The following C1QTNF3 variants were observed in gnomAD, a reference collection of about 807,000 sequenced individuals.
C1QTNF3 encodes complement C1q tumor necrosis factor-related protein 3.
Under a neutral mutation model 32.6 loss-of-function variants are expected in C1QTNF3, and 26 were observed. That is an observed-to-expected ratio of 0.80 (90% CI 0.58 to 1.11). The LOEUF (loss-of-function observed/expected upper bound fraction) is 1.11, where lower values mean the gene tolerates loss of function less well. Among genes scored for constraint, C1QTNF3 ranks in the 50% least tolerant of loss-of-function variants. C1QTNF3 has a pLI of 0.00. For synonymous variants in C1QTNF3, 155 were observed against 146.0 expected (o/e 1.06, Z -0.44); for missense variants, 362 against 398.2 (o/e 0.91, Z 0.77).
the C1QTNF3 span, among the ~76,000 whole-genome samples, chr5:34,175,136 T>C: frequency 2.0e-5 from 3 of 150,952 alleles, no homozygotes; most frequent in Admixed American, 2.0e-4. Context: ...CTCCAACTCC[T>C]GTGCTCAGGC....
Position 34,018,820 on chromosome 5 carries a change from A to G in C1QTNF3, c.*1763T>C, listed in dbSNP as rs1365627195. ...AGAAACTCAAGTGCTTCGTTTGCAGAGTTGTTTTAAGATTTAGAATTTGCG... is the reference window on the plus strand; with the variant it reads ...AGAAACTCAAGTGCTTCGTTTGCAGGGTTGTTTTAAGATTTAGAATTTGCG... On this transcript the variant is annotated 3_prime_UTR_variant, in exon 6 of 6. Coordinates refer to ENST00000382065, the MANE Select transcript of C1QTNF3 (RefSeq NM_181435.6). 6.6e-6 allele frequency among the ~76,000 whole-genome samples: 1 copy of G among 152,224 alleles called. No homozygotes were observed. The highest frequency in any genetic ancestry group is 6.5e-5 in the Admixed American group (1 of 15,282).
the C1QTNF3 span, among the ~76,000 whole-genome samples, chr5:34,211,391 T>C: frequency 6.6e-6 from 1 of 152,016 alleles, no homozygotes; most frequent in Non-Finnish European, 1.5e-5. Context: ...AATGTGTGTA[T>C]ACCCCCTTTT....
chr5:34,183,322 A>ATTTTTTTTTTTT, the C1QTNF3 span, among the ~76,000 whole-genome samples: 48 of 129,056 alleles, frequency 3.7e-4, no homozygotes, highest in African/African-American at 4.7e-4. Flanking sequence ...TAATTTTTTA[A>ATTTTTTTTTTTT]TTTTCTTTTT....
the C1QTNF3 span, among the ~76,000 whole-genome samples, chr5:34,078,495 T>C: frequency 1.3e-5 from 2 of 151,800 alleles, no homozygotes; most frequent in African/African-American, 4.9e-5. This position sits in a 1 kb window ranked among gnomAD's most constrained non-coding sequence, Gnocchi z 4.0. Context: ...CTGCCACTTA[T>C]AAAACCATCA....
chr5:34,087,823 A>C, the C1QTNF3 span, among the ~76,000 whole-genome samples: 1 of 152,202 alleles, frequency 6.6e-6, no homozygotes, highest in East Asian at 1.9e-4. Flanking sequence ...AGCTCAAGCG[A>C]TCTCTCTGCC....
At chr5:34,102,360 AC>A in the C1QTNF3 span, among the ~76,000 whole-genome samples, 2 of 151,962 alleles carry the variant, frequency 1.3e-5, no homozygotes, top group African/African-American at 4.8e-5. Context: ...TTTTATTTTC[AC>A]TTAGCAAATT....
the C1QTNF3 span, among the ~76,000 whole-genome samples, chr5:34,189,740 C>T: frequency 2.0e-5 from 3 of 152,266 alleles, no homozygotes; most frequent in East Asian, 3.9e-4. Context: ...CGAGGACCTG[C>T]GAGTAGGGCT....
the C1QTNF3 span, among the ~76,000 whole-genome samples, chr5:34,054,927 A>G: frequency 1.3e-5 from 2 of 152,178 alleles, no homozygotes; most frequent in Admixed American, 1.3e-4. Context: ...CATATCAATT[A>G]AGGATTTGAA....
At chr5:34,129,508 G>A in the C1QTNF3 span, among the ~76,000 whole-genome samples, 1 of 152,050 alleles carries the variant, frequency 6.6e-6, no homozygotes, top group Non-Finnish European at 1.5e-5. Context: ...TATTAGAGGC[G>A]ATGGGTATGA....
the C1QTNF3 span, among the ~76,000 whole-genome samples, chr5:34,134,571 T>G: frequency 9.2e-5 from 14 of 152,190 alleles, no homozygotes; most frequent in African/African-American, 3.4e-4. Flanking sequence ...TAACAAAACT[T>G]TCCTGGAGGC....
chr5:34,195,916 G>T, the C1QTNF3 span, among the ~76,000 whole-genome samples: 2 of 152,304 alleles, frequency 1.3e-5, no homozygotes, highest in Non-Finnish European at 2.9e-5. Flanking sequence ...GCCTTTAGGA[G>T]AGAATTAGGT....
At chr5:34,083,375 A>T in the C1QTNF3 span, among the ~76,000 whole-genome samples, 7 of 151,700 alleles carry the variant, frequency 4.6e-5, no homozygotes, top group African/African-American at 1.7e-4. Flanking sequence ...GTAAATCTTC[A>T]AGTACAGTAA....
At chr5:34,038,261 C>T (rs923612733) in intron 1 of C1QTNF3, among the ~76,000 whole-genome samples, 5 of 152,076 alleles carry the variant, frequency 3.3e-5, no homozygotes, top group African/African-American at 7.2e-5. Flanking sequence ...AAATAAGCCA[C>T]GAAGATAAGG....
chr5:34,076,104 G>A, the C1QTNF3 span, among the ~76,000 whole-genome samples: 1 of 151,616 alleles, frequency 6.6e-6, no homozygotes, highest in African/African-American at 2.4e-5. Flanking sequence ...AAAGTTGGCT[G>A]TCAGTGACCG....
At chr5:34,176,060 G>A in the C1QTNF3 span, 1 of 606,890 alleles carries the variant, frequency 1.6e-6, no homozygotes, top group Non-Finnish European at 3.0e-6. Context: ...GTCCTCACTG[G>A]GGGCTGTAGT....
chr5:34,038,283 A>G (rs1754788807), intron 1 of C1QTNF3, among the ~76,000 whole-genome samples: 1 of 152,168 alleles, frequency 6.6e-6, no homozygotes, highest in African/African-American at 2.4e-5. Flanking sequence ...GAGCACAGGG[A>G]GGATGGAAGG....
chr5:34,170,613 T>C, the C1QTNF3 span, among the ~76,000 whole-genome samples: 1,417 of 152,246 alleles, frequency 9.3e-3, 24 homozygotes, highest in African/African-American at 0.033. Context: ...ACCCTTCAAA[T>C]AGCTGTTAAT....
the C1QTNF3 span, among the ~76,000 whole-genome samples, chr5:34,089,155 A>T: frequency 6.6e-6 from 1 of 152,190 alleles, no homozygotes; most frequent in African/African-American, 2.4e-5. Flanking sequence ...ATTCTGTGGG[A>T]TGGTATGAAG....
the C1QTNF3 span, among the ~76,000 whole-genome samples, chr5:34,170,517 G>A: frequency 6.6e-6 from 1 of 152,098 alleles, no homozygotes; most frequent in African/African-American, 2.4e-5. Context: ...CCAAGTGAGT[G>A]TGGTGACAGT....
Sources: allele counts gnomAD v4.1 joint callset (sites outside exome capture counted in the v4.1 genomes callset), GRCh38; gene constraint gnomAD v4.1.1; non-coding constraint Gnocchi (gnomAD v3.1); transcripts MANE v1.5; gene names NCBI Gene and HGNC (gene_info 2026-07-23, HGNC 2026-07-21).